Variants in HYCC1 observed in about 807,000 individuals in gnomAD.
The protein encoded by HYCC1 is hyccin.
At chr7:22,952,009 G>A in the HYCC1 span, among the ~76,000 whole-genome samples, 1 of 151,908 alleles carries the variant, frequency 6.6e-6, no homozygotes, top group Non-Finnish European at 1.5e-5. Context: ...AGAACAACTT[G>A]CTCACCCTAT....
chr7:22,942,603 T>C, the HYCC1 span: 1 of 152,162 alleles, frequency 6.6e-6, no homozygotes, highest in East Asian at 1.9e-4. Flanking sequence ...ATTTAAAATG[T>C]GCAATGAAGC....
At chr7:22,924,750 C>A in the HYCC1 span, among the ~76,000 whole-genome samples, 1 of 152,258 alleles carries the variant, frequency 6.6e-6, no homozygotes, top group African/African-American at 2.4e-5. Flanking sequence ...GGCTCCACCT[C>A]TGGGGGCAGG....
the HYCC1 span, among the ~76,000 whole-genome samples, chr7:22,994,358 A>G: frequency 2.6e-5 from 4 of 152,318 alleles, no homozygotes; most frequent in South Asian, 8.3e-4. Flanking sequence ...GTAAATTTCA[A>G]GAACAGATAA....
the HYCC1 span, among the ~76,000 whole-genome samples, chr7:22,980,273 T>C: frequency 8.0e-6 from 1 of 124,538 alleles, no homozygotes; most frequent in South Asian, 2.5e-4. Context: ...CATTTTTTAA[T>C]GTTTTTTTTT....
At chr7:23,004,722 C>T in the HYCC1 span, among the ~76,000 whole-genome samples, 1 of 152,050 alleles carries the variant, frequency 6.6e-6, no homozygotes, top group Non-Finnish European at 1.5e-5. Flanking sequence ...TAGAAGGATT[C>T]CCTTTATAAA....
the HYCC1 span, among the ~76,000 whole-genome samples, chr7:22,983,286 A>C: frequency 1.3e-5 from 2 of 150,842 alleles, no homozygotes; most frequent in Non-Finnish European, 3.0e-5. Context: ...CCATGATCAC[A>C]CCACTGCACT....
chr7:22,932,156 C>T, the HYCC1 span, among the ~76,000 whole-genome samples: 2 of 152,126 alleles, frequency 1.3e-5, no homozygotes, highest in Non-Finnish European at 2.9e-5. Context: ...ATGGAGTTAT[C>T]TAGAAACAAA....
At chr7:22,935,106 T>TTC in the HYCC1 span, 7 of 152,354 alleles carry the variant, frequency 4.6e-5, no homozygotes, top group African/African-American at 1.7e-4. Flanking sequence ...GCGTTTTGTC[T>TTC]TCTAGAGTCC....
chr7:22,992,534 A>C, the HYCC1 span, among the ~76,000 whole-genome samples: 1 of 152,122 alleles, frequency 6.6e-6, no homozygotes, highest in African/African-American at 2.4e-5. Context: ...GAAAATTCAC[A>C]TCTTAAGTTT....
At chr7:23,002,157 TATATATATATATATATATAC>T in the HYCC1 span, among the ~76,000 whole-genome samples, 43 of 97,452 alleles carry the variant, frequency 4.4e-4, 2 homozygotes, top group Admixed American at 2.5e-3. Flanking sequence ...TATATATATA[TATATATATATATATATATAC>T]ATATAGTTTG....
chr7:22,940,463 G>C, the HYCC1 span: 15 of 152,016 alleles, frequency 9.9e-5, no homozygotes, highest in African/African-American at 3.1e-4. Context: ...TGTTGGTCAG[G>C]CTGGTCTTGA....
chr7:22,998,092 G>A, the HYCC1 span, among the ~76,000 whole-genome samples: 1 of 152,140 alleles, frequency 6.6e-6, no homozygotes, highest in African/African-American at 2.4e-5. Context: ...AAGGTGGTAT[G>A]GTCATAGACA....
the HYCC1 span, chr7:22,946,902 CTG>C: frequency 6.8e-7 from 1 of 1,472,008 alleles, no homozygotes. Context: ...ATTTTTGTGA[CTG>C]TGCAACTGCT....
the HYCC1 span, among the ~76,000 whole-genome samples, chr7:22,989,204 A>G: frequency 7.0e-6 from 1 of 142,892 alleles, no homozygotes; most frequent in African/African-American, 2.6e-5. Flanking sequence ...TTCAACTGTT[A>G]AACTTGACTA....
At chr7:22,933,616 G>GA in the HYCC1 span, among the ~76,000 whole-genome samples, 2 of 151,298 alleles carry the variant, frequency 1.3e-5, no homozygotes, top group African/African-American at 2.4e-5. Context: ...TTGATCTTTT[G>GA]AAAAAAAATC....
At chr7:22,930,830 T>A in the HYCC1 span, among the ~76,000 whole-genome samples, 3 of 152,020 alleles carry the variant, frequency 2.0e-5, no homozygotes, top group Non-Finnish European at 4.4e-5. Context: ...TGGTTTATCA[T>A]TCAAAAAATA....
the HYCC1 span, among the ~76,000 whole-genome samples, chr7:22,907,104 C>CAAAAAAAAAA: frequency 2.0e-3 from 89 of 43,546 alleles, 7 homozygotes; most frequent in African/African-American, 2.9e-3. Flanking sequence ...GACTCTATCT[C>CAAAAAAAAAA]AAAAAAAAAA....
At chr7:22,898,878 G>C in the HYCC1 span, among the ~76,000 whole-genome samples, 1 of 152,250 alleles carries the variant, frequency 6.6e-6, no homozygotes, top group Non-Finnish European at 1.5e-5. Flanking sequence ...TGGGATTATG[G>C]GCATGAACCA....
At chr7:22,976,584 CAAAT>C in the HYCC1 span, 1 of 764,786 alleles carries the variant, frequency 1.3e-6, no homozygotes, top group Non-Finnish European at 2.3e-6. Flanking sequence ...ACTCAGTATT[CAAAT>C]AAATTGTCAC....
Sources: gnomAD v4.1 joint callset for allele counts (sites outside exome capture counted in the v4.1 genomes callset) on GRCh38, gnomAD v4.1.1 for gene constraint, MANE v1.5 for transcripts, NCBI Gene and HGNC (gene_info 2026-07-23, HGNC 2026-07-21) for gene names.